The following SYT14 variants were observed in gnomAD, a reference collection of about 807,000 sequenced individuals.
SYT14 encodes synaptotagmin-14.
A neutral mutation model predicts 74.2 loss-of-function variants in SYT14; 32 were observed. The observed-to-expected ratio is 0.43, with a 90% CI of 0.33 to 0.58. SYT14 has a LOEUF of 0.58. SYT14 is among the 20% of genes least tolerant of loss of function. SYT14 has a pLI of 0.05. For synonymous variants in SYT14, 298 were observed against 337.7 expected, an observed-to-expected ratio of 0.88 and a Z score of 1.29; for missense variants, 791 against 981.8, an observed-to-expected ratio of 0.81 and a Z score of 2.60.
At chr1:210,074,887 A>G (rs1459366677) in intron 5 of SYT14, among the ~76,000 whole-genome samples, 1 of 152,210 alleles carries the variant, frequency 6.6e-6, no homozygotes, top group Non-Finnish European at 1.5e-5. Context: ...TTAGCCATCC[A>G]TAGGCGGCTT....
intron 7 of SYT14, among the ~76,000 whole-genome samples, chr1:210,101,701 G>A (rs1310279069): frequency 6.6e-6 from 1 of 151,662 alleles, no homozygotes; most frequent in Non-Finnish European, 1.5e-5. Context: ...GAGGGGGGAA[G>A]AACGAATTTT....
intron 2 of SYT14, among the ~76,000 whole-genome samples, chr1:209,980,098 C>T (rs954959840): frequency 9.2e-5 from 14 of 152,168 alleles, no homozygotes; most frequent in African/African-American, 3.4e-4. Context: ...GCTCCTTTTT[C>T]TCTAGAACCA....
chr1:210,107,312 A>G (rs1316241159), intron 7 of SYT14, among the ~76,000 whole-genome samples: 1 of 152,200 alleles, frequency 6.6e-6, no homozygotes, highest in East Asian at 1.9e-4. Context: ...TAGATAGGGA[A>G]TTATCTATTG....
intron 3 of SYT14, among the ~76,000 whole-genome samples, chr1:210,014,443 A>C (rs1434458041): frequency 6.7e-6 from 1 of 150,128 alleles, no homozygotes; most frequent in African/African-American, 2.4e-5. Flanking sequence ...TTACTACAAG[A>C]GTTTTAAAAA....
chr1:210,159,343 TA>T lies in SYT14; in HGVS notation c.2225-76del. 2.9e-6 allele frequency: 4 copies of T among 1,375,544 alleles called. No homozygotes were observed. In the Admixed American group the frequency reaches 7.9e-5, roughly 27 times the overall value. 85.2% of individuals were successfully genotyped at this position (1,375,544 alleles called of 1,614,324 possible). On this transcript the variant is annotated intron_variant, in intron 8 of 9. Transcript: ENST00000637265. The stretch of plus-strand genomic sequence containing the variant: ...GTGAACAGTGTTTCCTCTTTAATTC[TA>T]ACCTTTGACCCTCTTTCACCCAACG...
chr1:210,137,714 CTT>C (rs1434217732), intron 7 of SYT14, among the ~76,000 whole-genome samples: 3 of 127,656 alleles, frequency 2.4e-5, no homozygotes, highest in Non-Finnish European at 5.0e-5. Flanking sequence ...GAGTTTTGCT[CTT>C]GTTACCCAGG....
intron 2 of SYT14, among the ~76,000 whole-genome samples, chr1:209,989,723 T>A (rs188294467): frequency 6.6e-6 from 1 of 152,154 alleles, no homozygotes; most frequent in Non-Finnish European, 1.5e-5. Flanking sequence ...GGAATTATAG[T>A]ATAGTTATGT....
chr1:210,107,190 C>T (rs750068299), intron 7 of SYT14, among the ~76,000 whole-genome samples: 5 of 152,182 alleles, frequency 3.3e-5, no homozygotes, highest in Non-Finnish European at 5.9e-5. Flanking sequence ...GAAAGGGTGA[C>T]CTTGGGTGAG....
At chr1:210,086,795 A>G (rs765800445) in intron 5 of SYT14, among the ~76,000 whole-genome samples, 1 of 152,208 alleles carries the variant, frequency 6.6e-6, no homozygotes, top group Non-Finnish European at 1.5e-5. Flanking sequence ...ACTTCTATCT[A>G]TGTATTTTTA....
chr1:210,105,574 T>G (rs1271031419), intron 7 of SYT14, among the ~76,000 whole-genome samples: 6 of 152,204 alleles, frequency 3.9e-5, no homozygotes, highest in African/African-American at 1.4e-4. Flanking sequence ...CCCTGGCTGA[T>G]AAAACATTTG....
intron 2 of SYT14, among the ~76,000 whole-genome samples, chr1:209,961,578 C>A (rs2079076196): frequency 6.6e-6 from 1 of 152,072 alleles, no homozygotes; most frequent in South Asian, 2.1e-4. Context: ...CTGTACTAAT[C>A]TCACAAGACT....
At chr1:209,985,095 G>A (rs946663982) in intron 2 of SYT14, among the ~76,000 whole-genome samples, 4 of 152,224 alleles carry the variant, frequency 2.6e-5, no homozygotes, top group African/African-American at 9.6e-5. Context: ...TTCTCATGTT[G>A]CTAAATATAA....
intron 7 of SYT14, among the ~76,000 whole-genome samples, chr1:210,143,898 AG>A (rs1284989994): frequency 1.3e-5 from 2 of 152,202 alleles, no homozygotes; most frequent in Non-Finnish European, 2.9e-5. Context: ...TGAAAATGAT[AG>A]GGTTGTTTTG....
chr1:210,097,892 A>T (rs1040133967), intron 6 of SYT14, among the ~76,000 whole-genome samples: 12 of 152,132 alleles, frequency 7.9e-5, no homozygotes, highest in African/African-American at 2.9e-4. Context: ...AAGATCAAGG[A>T]CTAACTGGGC....
chr1:210,037,932 C>T (rs2080704864), intron 5 of SYT14, among the ~76,000 whole-genome samples: 1 of 151,954 alleles, frequency 6.6e-6, no homozygotes, highest in South Asian at 2.1e-4. Context: ...GTAGAATATT[C>T]TGTGAATTTC....
intron 2 of SYT14, among the ~76,000 whole-genome samples, chr1:209,999,200 G>A (rs1000384222): frequency 2.0e-5 from 3 of 152,038 alleles, no homozygotes; most frequent in East Asian, 3.9e-4. Flanking sequence ...AAGCCACAAC[G>A]AGGTATCATC....
At chr1:210,092,890 A>G (rs1212258827) in intron 5 of SYT14, among the ~76,000 whole-genome samples, 1 of 152,210 alleles carries the variant, frequency 6.6e-6, no homozygotes, top group East Asian at 1.9e-4. Context: ...TAGCATTCAC[A>G]TTGTGTTAGA....
At chr1:210,076,927 A>G (rs2081511753) in intron 5 of SYT14, among the ~76,000 whole-genome samples, 1 of 152,132 alleles carries the variant, frequency 6.6e-6, no homozygotes, top group Admixed American at 6.5e-5. Context: ...TTGGGTGGGG[A>G]CACAGCCAAA....
exon 10 of SYT14, chr1:210,165,592 C>T (rs1160596490): frequency 2.0e-5 from 3 of 152,152 alleles, no homozygotes; most frequent in East Asian, 1.9e-4. Context: ...TCACTCATAT[C>T]AGTGGTGAGA....
Sources: gnomAD v4.1 joint callset for allele counts (sites outside exome capture counted in the v4.1 genomes callset) on GRCh38, gnomAD v4.1.1 for gene constraint, MANE v1.5 for transcripts, NCBI Gene and HGNC (gene_info 2026-07-23, HGNC 2026-07-21) for gene names.